The following ZNF83 variants were observed in gnomAD, a reference collection of about 807,000 sequenced individuals.
ZNF83 encodes the protein zinc finger protein 816B.
For missense variants in ZNF83, 552 were observed against 629.9 expected, an observed-to-expected ratio of 0.88 and a Z score of 1.32; for synonymous variants, 209 against 213.0, an observed-to-expected ratio of 0.98 and a Z score of 0.17.
At chr19:52,628,976 C>T (rs2060848865) in intron 2 of ZNF83, among the ~76,000 whole-genome samples, 1 of 151,836 alleles carries the variant, frequency 6.6e-6, no homozygotes, top group Non-Finnish European at 1.5e-5. Flanking sequence ...ACCCCCAAAC[C>T]CCTTCCCTCC....
Position 52,622,802 on chromosome 19 carries a change from A to T in ZNF83, c.-233-8005T>A, listed in dbSNP as rs562773142. Among the ~76,000 whole-genome samples the T allele has an allele frequency of 5.3e-5, 8 of 152,254 alleles. No homozygotes were observed. In the South Asian group the frequency reaches 1.7e-3, roughly 32 times the overall value. On this transcript the variant is annotated intron_variant, in intron 2 of 2. Coordinates refer to ENST00000301096, the Ensembl canonical transcript of ZNF83. ...TTAGAAAAAAGCTTCAAAAATTGGA[A>T]TCCAGTCCTCAAACCCCACAACAGG...
At chr19:52,619,090 T>G in intron 2 of ZNF83, 1 of 1,611,060 alleles carries the variant, frequency 6.2e-7, no homozygotes, top group Non-Finnish European at 8.5e-7. Flanking sequence ...TTTAACCAAA[T>G]GGTTATGGGA....
chr19:52,675,707 AGG>A (rs1310394762), intron 1 of ZNF83, among the ~76,000 whole-genome samples: 1 of 147,690 alleles, frequency 6.8e-6, no homozygotes, highest in African/African-American at 2.7e-5. Flanking sequence ...CAGGAAAGGA[AGG>A]GCAAGGGTGG....
chr19:52,615,051 A>G (rs997710744), intron 2 of ZNF83, among the ~76,000 whole-genome samples: 4 of 152,178 alleles, frequency 2.6e-5, no homozygotes, highest in African/African-American at 9.7e-5. Context: ...AACCACTTAC[A>G]TTGCAAAAAT....
At chr19:52,620,881 C>T (rs562029327) in intron 2 of ZNF83, among the ~76,000 whole-genome samples, 5 of 152,186 alleles carry the variant, frequency 3.3e-5, no homozygotes, top group Non-Finnish European at 5.9e-5. Flanking sequence ...GACAATGAGT[C>T]CTATGACCTC....
At chr19:52,670,470 A>G (rs1417365085) in intron 1 of ZNF83, among the ~76,000 whole-genome samples, 1 of 152,130 alleles carries the variant, frequency 6.6e-6, no homozygotes, top group African/African-American at 2.4e-5. Flanking sequence ...CTTCTATATA[A>G]GTAAATTGCC....
intron 3 of ZNF83, chr19:52,650,487 C>A (rs570701456): frequency 6.6e-5 from 10 of 152,262 alleles, no homozygotes; most frequent in Admixed American, 2.0e-4. Context: ...GAACTCTCGA[C>A]CTCAGGTGAT....
chr19:52,652,164 C>T (rs989920673), intron 3 of ZNF83: 3 of 222,506 alleles, frequency 1.3e-5, no homozygotes, highest in South Asian at 6.3e-5. Context: ...CCACACTGGG[C>T]GTGGTGGCTC....
intron 3 of ZNF83, chr19:52,651,458 T>C (rs566936860): frequency 6.6e-6 from 1 of 152,268 alleles, no homozygotes; most frequent in African/African-American, 2.4e-5. Flanking sequence ...GTGGATGATA[T>C]ACTAGTGTCA....
At chr19:52,645,002 C>T (rs1219539763) in intron 3 of ZNF83, among the ~76,000 whole-genome samples, 1 of 134,664 alleles carries the variant, frequency 7.4e-6, no homozygotes, top group East Asian at 2.3e-4. Flanking sequence ...AAGAGCAAAA[C>T]TCCATCTTAA....
At position 52,626,137 on chromosome 19, in the gene ZNF83, C is replaced by T. The variant is rs184791145; in HGVS notation, c.-234+8929G>A. The stretch of plus-strand genomic sequence containing the variant: ...GACAAAAAAGAGTTATTCCTCTAAT[C>T]CCTCTACTTATAGGGTTAGGACTTT... On this transcript the variant is annotated intron_variant, in intron 2 of 2. Transcript: ENST00000301096. 5.3e-3 allele frequency among the ~76,000 whole-genome samples: 804 copies of T among 152,296 alleles called. 31 individuals carry two copies. Among genetic ancestry groups the T allele is most frequent in the Admixed American group, 0.048 (732 of 15,288 alleles).
chr19:52,683,226 C>CTG (rs1491245050), intron 1 of ZNF83, among the ~76,000 whole-genome samples: 12 of 135,652 alleles, frequency 8.8e-5, no homozygotes, highest in African/African-American at 2.7e-4. Flanking sequence ...TGCCCTGTGA[C>CTG]TCTGTGTGTG....
At chr19:52,678,191 G>A (rs1419295248) in intron 1 of ZNF83, among the ~76,000 whole-genome samples, 2 of 152,026 alleles carry the variant, frequency 1.3e-5, no homozygotes, top group African/African-American at 4.8e-5. Flanking sequence ...GGTGGCTCAA[G>A]CCTGTAATCC....
intron 3 of ZNF83, among the ~76,000 whole-genome samples, chr19:52,645,706 T>C (rs1399453722): frequency 1.3e-5 from 2 of 151,466 alleles, no homozygotes; most frequent in African/African-American, 2.4e-5. Flanking sequence ...ACTCAGGAGG[T>C]TGAGGCAAAA....
At chr19:52,642,401 T>C (rs1026574017), upstream of ZNF83, among the ~76,000 whole-genome samples, 3 of 149,552 alleles carry the variant, frequency 2.0e-5, no homozygotes, top group African/African-American at 7.4e-5. Flanking sequence ...CTTGAGTAGC[T>C]GGGATTATAG....
At chr19:52,633,467 C>T (rs544462753) in intron 2 of ZNF83, among the ~76,000 whole-genome samples, 1 of 129,690 alleles carries the variant, frequency 7.7e-6, no homozygotes, top group South Asian at 2.2e-4. Flanking sequence ...TACACGTGTA[C>T]GAGACTTGCT....
At chr19:52,635,964 C>G (rs1305414004) in intron 1 of ZNF83, 1 of 146,418 alleles carries the variant, frequency 6.8e-6, no homozygotes, top group Non-Finnish European at 1.5e-5. Context: ...TGCACTCCAG[C>G]CTGGGAAACA....
chr19:52,612,932 C>A, exon 3 of ZNF83: 1 of 1,215,096 alleles, frequency 8.2e-7, no homozygotes, highest in Non-Finnish European at 1.1e-6. Context: ...CTGCTACATT[C>A]ATTATACTTG....
At chr19:52,672,881 G>T (rs1422298102) in intron 1 of ZNF83, among the ~76,000 whole-genome samples, 1 of 151,158 alleles carries the variant, frequency 6.6e-6, no homozygotes, top group Non-Finnish European at 1.5e-5. Flanking sequence ...TGGCAAAAAA[G>T]TTTATTTTAA....
Sources: allele counts gnomAD v4.1 joint callset (sites outside exome capture counted in the v4.1 genomes callset), GRCh38; gene constraint gnomAD v4.1.1; transcripts MANE v1.5; gene names NCBI Gene and HGNC (gene_info 2026-07-23, HGNC 2026-07-21).